SIRT5: variants seen among roughly 807,000 people sequenced by gnomAD.
The protein encoded by SIRT5 is NAD-dependent protein deacylase sirtuin-5, mitochondrial.
A neutral mutation model predicts 40.0 loss-of-function variants in SIRT5; 26 were observed. That is an observed-to-expected ratio of 0.65 (90% confidence interval 0.48 to 0.90). SIRT5 has a LOEUF of 0.90. Ranked by LOEUF, SIRT5 falls within the 40% of genes least tolerant of loss-of-function variation. The pLI, the probability that SIRT5 is intolerant of heterozygous loss-of-function variation, is 0.00. For missense variants in SIRT5, 401 were observed against 402.4 expected, an observed-to-expected ratio of 1.00 and a Z score of 0.03; for synonymous variants, 146 against 149.1, an observed-to-expected ratio of 0.98 and a Z score of 0.15.
intron 3 of SIRT5, among the ~76,000 whole-genome samples, chr6:13,586,684 C>A (rs1484351848): frequency 6.6e-6 from 1 of 152,062 alleles, no homozygotes; most frequent in Non-Finnish European, 1.5e-5. Flanking sequence ...TTCATTTTTA[C>A]CAGGAGTCCA....
intron 2 of SIRT5, among the ~76,000 whole-genome samples, chr6:13,583,688 A>G (rs1247846248): frequency 6.6e-6 from 1 of 152,242 alleles, no homozygotes; most frequent in African/African-American, 2.4e-5. Context: ...AGTAGTTACT[A>G]GAATCACCTG....
chr6:13,580,481 G>A (rs1467091565), intron 2 of SIRT5, among the ~76,000 whole-genome samples: 4 of 152,082 alleles, frequency 2.6e-5, no homozygotes, highest in Non-Finnish European at 5.9e-5. Flanking sequence ...GAAACCACTG[G>A]TGTGATTTCT....
At position 13,591,911 on chromosome 6, in the gene SIRT5, C is replaced by T. The variant is rs1412713710; in HGVS notation, c.475+17C>T. The T allele has an allele frequency of 6.9e-6, 11 of 1,604,664 alleles. No homozygotes were observed. The South Asian group carries it at 8.8e-5, about 13-fold the overall frequency. Reference sequence around the variant, plus strand: ...AGATCCATGGTGAGAGACCCCCAGCCTCCCATTCAGGGAACCAGCTTTAAA... The same window carrying T: ...AGATCCATGGTGAGAGACCCCCAGCTTCCCATTCAGGGAACCAGCTTTAAA... On this transcript the variant is annotated intron_variant, in intron 5 of 9. Coordinates refer to ENST00000606117, the MANE Select transcript of SIRT5 (RefSeq NM_012241.5).
At chr6:13,582,074 T>C (rs1759416356) in intron 2 of SIRT5, among the ~76,000 whole-genome samples, 1 of 152,178 alleles carries the variant, frequency 6.6e-6, no homozygotes, top group Non-Finnish European at 1.5e-5. Flanking sequence ...TCCAGGTTCC[T>C]AACAGATGCT....
chr6:13,601,102 ATCAT>A (rs759650583), intron 9 of SIRT5, among the ~76,000 whole-genome samples, 153 bp downstream of exon 9: 2 of 152,246 alleles, frequency 1.3e-5, no homozygotes, highest in Non-Finnish European at 2.9e-5. Flanking sequence ...GAAGAACAAA[ATCAT>A]TCACTGTAGA....
At chr6:13,575,210 A>C (rs965714479) in intron 1 of SIRT5, among the ~76,000 whole-genome samples, 1 of 152,100 alleles carries the variant, frequency 6.6e-6, no homozygotes, top group South Asian at 2.1e-4. Flanking sequence ...GGCCGCATGC[A>C]GTCTGGCGCG....
chr6:13,590,505 G>T (rs187032541), intron 4 of SIRT5, among the ~76,000 whole-genome samples: 2 of 152,034 alleles, frequency 1.3e-5, no homozygotes, highest in African/African-American at 4.8e-5. Flanking sequence ...AGTTCTGTGC[G>T]TGTAGGTGTG....
At chr6:13,598,933 C>T in intron 7 of SIRT5, 99 bp from the exon 8 acceptor site, 1 of 1,435,910 alleles carries the variant, frequency 7.0e-7, no homozygotes, top group South Asian at 1.3e-5. Flanking sequence ...TCAGAGGTGA[C>T]CCATCTGGAT....
intron 9 of SIRT5, among the ~76,000 whole-genome samples, chr6:13,609,318 C>T (rs567256657): frequency 2.6e-5 from 4 of 152,246 alleles, no homozygotes; most frequent in South Asian, 2.1e-4. Flanking sequence ...ACCGGACCCC[C>T]GTAGAACTGA....
rs1335111688 is a variant in SIRT5, at chr6:13,588,396, G to A, written c.181G>A (p.Val61Ile). Residue 61 changes from valine to isoleucine, a missense_variant, in exon 4 of 10, where the codon GTT (valine) becomes ATT (isoleucine). By Grantham distance (29) the Val-to-Ile change is conservative. Transcript: ENST00000606117. ...KHIVIISGAG[V>I]SAESGVPTFR... ...CATAGTCATCATCTCAGGAGCTGGT[G>A]TTAGTGCAGAAAGTGGTGTTCCGAC... 1 of 1,614,242 alleles carries A rather than the reference G, an allele frequency of 6.2e-7. No homozygotes were observed. The highest frequency in any genetic ancestry group is 8.5e-7 in the Non-Finnish European group (1 of 1,180,036).
In SIRT5 at chr6:13,599,146, A is replaced by ATGTC; in HGVS notation, c.734_737dup (p.Val247SerfsTer28). 1.2e-6 allele frequency: 2 copies of ATGTC among 1,613,866 alleles called. No individual in the cohort carries two copies. Among genetic ancestry groups the ATGTC allele is most frequent in the Non-Finnish European group, 1.7e-6 (2 of 1,179,902 alleles). On this transcript the variant is annotated frameshift_variant, in exon 8 of 10. Transcript: ENST00000606117. LOFTEE classifies it high-confidence loss of function. ...ACAGAGAGCTCGCCCACTGTGATTT[A>ATGTC]TGTCTAGTGGTGGGTCATGCCCTTC...
rs59188575 is a variant in SIRT5, at chr6:13,603,043, C to T, written c.857+2094C>T. ...CTGTAATCCCAGCACTTTGGGAGGC[C>T]GAGGCAGGTGGATCATGAGGTCAGG... On this transcript the variant is annotated intron_variant, in intron 9 of 9. Transcript: ENST00000606117. Among the ~76,000 whole-genome samples the T allele has an allele frequency of 2.3e-3, 351 of 152,020 alleles. 2 individuals are homozygous for T. The highest frequency in any genetic ancestry group is 8.0e-3 in the African/African-American group (331 of 41,474).
intron 5 of SIRT5, 56 bp downstream of exon 5, chr6:13,591,950 T>G: frequency 1.3e-6 from 2 of 1,501,768 alleles, no homozygotes; most frequent in Non-Finnish European, 1.8e-6. Flanking sequence ...CCTGTCCTGC[T>G]GTTTCAGCAT....
At chr6:13,576,172 G>A (rs544593166) in intron 1 of SIRT5, among the ~76,000 whole-genome samples, 1 of 152,246 alleles carries the variant, frequency 6.6e-6, no homozygotes, top group African/African-American at 2.4e-5. Context: ...TATATACCCA[G>A]AAGTAGGATT....
rs760792014 is a variant in SIRT5 at position 13,614,998 on chromosome 6, G to C, written c.*3133G>C. ...AAAAAACGGCGGCGAGCAGCGCCTC[G>C]GGCCCGCGATTACCGGTTTTCTGAG... On this transcript the variant is annotated 3_prime_UTR_variant, in exon 10 of 10. Coordinates refer to ENST00000606117, the MANE Select transcript of SIRT5 (RefSeq NM_012241.5). 3 of 240,166 alleles carry C rather than the reference G, an allele frequency of 1.2e-5. No individual in the cohort carries two copies. The highest frequency in any genetic ancestry group is 2.4e-5 in the Non-Finnish European group (3 of 124,654). 14.9% of individuals were successfully genotyped at this position (240,166 alleles called of 1,614,324 possible). A position where few individuals can be genotyped will look rare whatever the true frequency, so the allele number is the denominator to read the frequency against.
intron 3 of SIRT5, among the ~76,000 whole-genome samples, chr6:13,585,394 C>G (rs1195593345): frequency 6.7e-6 from 1 of 149,648 alleles, no homozygotes; most frequent in Non-Finnish European, 1.5e-5. Context: ...CCTCCCCAAG[C>G]CCACCACCCC....
intron 9 of SIRT5, 92 bp from the exon 10 acceptor site, chr6:13,611,698 C>T (rs1191328856): frequency 7.5e-6 from 7 of 930,126 alleles, no homozygotes; most frequent in Non-Finnish European, 1.2e-5. Context: ...TTTACTTCGG[C>T]TATTACTTCA....
At chr6:13,602,545 G>GT (rs1437214073) in intron 9 of SIRT5, among the ~76,000 whole-genome samples, 3 of 150,448 alleles carry the variant, frequency 2.0e-5, no homozygotes, top group African/African-American at 7.3e-5. Flanking sequence ...AATCAAGACA[G>GT]TGTGGCACTG....
rs751734951 is a variant in SIRT5 at position 13,584,064 on chromosome 6, A to AT, written c.-35-7dup. ...TGTTTCTACACTATTTGTTTTTGTGATTTTTCTAAAGCCCGCCTCAAGCAT... is the reference window on the plus strand; with the variant it reads ...TGTTTCTACACTATTTGTTTTTGTGATTTTTTCTAAAGCCCGCCTCAAGCAT... On this transcript the variant is annotated splice_polypyrimidine_tract_variant and intron_variant, in intron 2 of 9. Transcript: ENST00000606117. 11 of 1,375,154 alleles carry AT rather than the reference A, an allele frequency of 8.0e-6. No individual in the cohort carries two copies. The African/African-American group carries it at 1.0e-4, about 13-fold the overall frequency. The allele number at this position is 1,375,154 out of a possible 1,614,324, so 85.2% of individuals were successfully genotyped here. A position where few individuals can be genotyped will look rare whatever the true frequency, so the allele number is the denominator to read the frequency against.
Sources: gnomAD v4.1 joint callset for allele counts (sites outside exome capture counted in the v4.1 genomes callset) on GRCh38, gnomAD v4.1.1 for gene constraint, MANE v1.5 for transcripts, NCBI Gene and HGNC (gene_info 2026-07-23, HGNC 2026-07-21) for gene names.